Variants in KANK1 observed in about 807,000 individuals in gnomAD.
KANK1 encodes KN motif and ankyrin repeat domain-containing protein 1.
A neutral mutation model predicts 106.2 loss-of-function variants in KANK1; 109 were observed. The ratio of observed to expected loss-of-function variants is 1.03; its 90% CI spans 0.88 to 1.20. The LOEUF (loss-of-function observed/expected upper bound fraction) is 1.20, where lower values mean the gene tolerates loss of function less well. Among genes scored for constraint, KANK1 ranks in the 50% most tolerant of loss-of-function variants. The pLI is 0.00. For missense variants in KANK1, 2,399 were observed against 1,710.7 expected (o/e 1.40, Z -7.10); for synonymous variants, 873 against 652.2 (o/e 1.34, Z -5.16).
intron 1 of KANK1, among the ~76,000 whole-genome samples, chr9:564,286 C>A (rs954488809): frequency 2.9e-4 from 44 of 151,884 alleles, no homozygotes; most frequent in African/African-American, 9.9e-4. Context: ...TGGTCTTGAC[C>A]TCCTGACCTC....
At chr9:477,699 C>T (rs893497748) in intron 3 of KANK1, 1 of 152,266 alleles carries the variant, frequency 6.6e-6, no homozygotes, top group African/African-American at 2.4e-5. Context: ...TTCTGCTCCT[C>T]ACTTAAAACT....
intron 1 of KANK1, among the ~76,000 whole-genome samples, chr9:575,035 A>C (rs892976506): frequency 2.6e-5 from 4 of 152,148 alleles, no homozygotes; most frequent in South Asian, 4.1e-4. Context: ...GCTAGGCTTT[A>C]TGTTTAAAAA....
intron 1 of KANK1, among the ~76,000 whole-genome samples, chr9:604,092 G>C (rs1229724681): frequency 1.3e-5 from 2 of 151,612 alleles, no homozygotes; most frequent in Non-Finnish European, 2.9e-5. Context: ...TGGGGTACCA[G>C]TTCATAATAA....
At chr9:536,372 T>C (rs1026378537) in intron 1 of KANK1, among the ~76,000 whole-genome samples, 1 of 152,046 alleles carries the variant, frequency 6.6e-6, no homozygotes, top group Admixed American at 6.6e-5. Context: ...CACATTTTTT[T>C]ATATTACAGT....
chr9:524,982 CTTTTTTTTTTTT>C, intron 1 of KANK1, among the ~76,000 whole-genome samples: 1 of 91,960 alleles, frequency 1.1e-5, no homozygotes, highest in East Asian at 3.6e-4. Context: ...CTCTTGCTGC[CTTTTTTTTTTTT>C]TTTTTTTTTT....
At chr9:536,137 A>G (rs1448380309) in intron 1 of KANK1, among the ~76,000 whole-genome samples, 2 of 152,178 alleles carry the variant, frequency 1.3e-5, no homozygotes, top group African/African-American at 2.4e-5. Context: ...CAGGAGTTAA[A>G]GACCATCCTG....
intron 1 of KANK1, among the ~76,000 whole-genome samples, chr9:542,952 G>A (rs931002698): frequency 6.6e-6 from 1 of 152,132 alleles, no homozygotes; most frequent in African/African-American, 2.4e-5. Flanking sequence ...AGTTAAATAT[G>A]TTCTGGAGAT....
At chr9:579,195 C>T (rs1317577738) in intron 1 of KANK1, among the ~76,000 whole-genome samples, 1 of 152,048 alleles carries the variant, frequency 6.6e-6, no homozygotes, top group African/African-American at 2.4e-5. Flanking sequence ...CGTAGCCTTC[C>T]CCGACCCACC....
intron 1 of KANK1, among the ~76,000 whole-genome samples, chr9:563,684 G>T (rs967874710): frequency 6.6e-6 from 1 of 152,138 alleles, no homozygotes; most frequent in African/African-American, 2.4e-5. Flanking sequence ...GTCCAGAATT[G>T]TAGTTATGCG....
chr9:537,922 T>G (rs1051339063), intron 1 of KANK1, among the ~76,000 whole-genome samples: 1 of 152,242 alleles, frequency 6.6e-6, no homozygotes, highest in Non-Finnish European at 1.5e-5. Context: ...GGATTTAATT[T>G]CTTTGAGGAT....
At chr9:622,205 C>G (rs1833304645) in intron 1 of KANK1, among the ~76,000 whole-genome samples, 1 of 152,162 alleles carries the variant, frequency 6.6e-6, no homozygotes, top group Admixed American at 6.5e-5. Context: ...CTAATGACTT[C>G]TACTTTTAGT....
At chr9:631,177 C>G (rs1445576750) in intron 1 of KANK1, among the ~76,000 whole-genome samples, 2 of 152,036 alleles carry the variant, frequency 1.3e-5, no homozygotes, top group Non-Finnish European at 2.9e-5. Context: ...GCCTTTGAGA[C>G]AAAGGGCATG....
chr9:724,545 C>T (rs1830179761), intron 3 of KANK1, among the ~76,000 whole-genome samples: 1 of 151,988 alleles, frequency 6.6e-6, no homozygotes. Flanking sequence ...CACCTGTAAT[C>T]CCAGAACTTT....
intron 4 of KANK1, 57 bp from the exon 5 acceptor site, chr9:731,101 A>G (rs1832117213): frequency 1.1e-6 from 1 of 909,804 alleles, no homozygotes; most frequent in Non-Finnish European, 1.7e-6. Context: ...AGGAAAAAAG[A>G]TCATTTAACA....
rs200366109 is a variant in KANK1 at position 608,422 on chromosome 9, G to C, written c.-83-68468G>C. ...ATCAATATTTGTGTATTCTCTTAAA[G>C]AGCTAAAAGAAATCATTTTTTAAAA... On this transcript the variant is annotated intron_variant, in intron 1 of 11. Coordinates refer to ENST00000382297, the MANE Select transcript of KANK1 (RefSeq NM_015158.5). Among the ~76,000 whole-genome samples the C allele has an allele frequency of 8.0e-4, 122 of 151,840 alleles. 3 individuals carry two copies. The East Asian group carries it at 0.022, about 27-fold the overall frequency.
At chr9:592,454 A>G (rs764763392) in intron 1 of KANK1, among the ~76,000 whole-genome samples, 70 of 148,144 alleles carry the variant, frequency 4.7e-4, no homozygotes, top group Non-Finnish European at 8.0e-4. Context: ...CACAGCTGCT[A>G]TGACTCTTTC....
chr9:518,460 G>C (rs1471938379), intron 1 of KANK1, among the ~76,000 whole-genome samples: 1 of 151,694 alleles, frequency 6.6e-6, no homozygotes, highest in African/African-American at 2.4e-5. Context: ...TTTTCGGCCA[G>C]ACACTTCAAG....
chr9:645,344 G>T (rs1294947660), intron 1 of KANK1, among the ~76,000 whole-genome samples: 2 of 147,690 alleles, frequency 1.4e-5, no homozygotes, highest in Non-Finnish European at 2.9e-5. Flanking sequence ...GAAGTCTGAG[G>T]CAGGAGAATT....
intron 1 of KANK1, among the ~76,000 whole-genome samples, chr9:675,301 G>T (rs1017650396): frequency 6.6e-6 from 1 of 152,088 alleles, no homozygotes; most frequent in African/African-American, 2.4e-5. Flanking sequence ...GCATTCTGTT[G>T]TTAAGAGGTC....
Sources: gnomAD v4.1 joint callset for allele counts (sites outside exome capture counted in the v4.1 genomes callset) on GRCh38, gnomAD v4.1.1 for gene constraint, MANE v1.5 for transcripts, NCBI Gene and HGNC (gene_info 2026-07-23, HGNC 2026-07-21) for gene names.